Variants in FRMD5 observed in about 807,000 individuals in gnomAD.
FRMD5 encodes FERM domain containing 5.
In FRMD5, 20 loss-of-function variants were observed where a neutral mutation model predicts 69.0. The ratio of observed to expected loss-of-function variants is 0.29; its 90% confidence interval spans 0.20 to 0.42. The LOEUF (loss-of-function observed/expected upper bound fraction) is 0.42. Ranked by LOEUF, FRMD5 falls within the 10% of genes least tolerant of loss-of-function variation. The pLI, the probability that FRMD5 is intolerant of heterozygous loss-of-function variation, is 1.00. For synonymous variants in FRMD5, 271 were observed against 260.1 expected (o/e 1.04, Z -0.40); for missense variants, 595 against 708.6 (o/e 0.84, Z 1.82).
intron 1 of FRMD5, among the ~76,000 whole-genome samples, chr15:43,927,651 G>A (rs1479918886): frequency 1.3e-5 from 2 of 151,916 alleles, no homozygotes; most frequent in African/African-American, 4.8e-5. Flanking sequence ...AACAGTGAGA[G>A]ACAGTAGCAT....
chr15:44,119,729 C>CT (rs3040926), intron 1 of FRMD5, among the ~76,000 whole-genome samples: 26 of 146,084 alleles, frequency 1.8e-4, no homozygotes, highest in South Asian at 6.5e-4. Context: ...CTGTCTACTT[C>CT]TTTTTTTTTT....
chr15:44,105,755 C>T (rs1165494094), intron 1 of FRMD5, among the ~76,000 whole-genome samples: 1 of 152,038 alleles, frequency 6.6e-6, no homozygotes, highest in African/African-American at 2.4e-5. Context: ...CTATTTTTTA[C>T]CTTCATTAGC....
rs569922196 is a variant in FRMD5, at chr15:43,873,118, A to T, written c.*767T>A. Reference sequence around the variant, plus strand: ...AAATCACGTTAAGTCTAGTTTCATTATACAAAACTATGGTGATGCCCACTA... The same window carrying T: ...AAATCACGTTAAGTCTAGTTTCATTTTACAAAACTATGGTGATGCCCACTA... On this transcript the variant is annotated 3_prime_UTR_variant, in exon 14 of 14. Transcript: ENST00000417257. 857 of 1,457,386 alleles carry T rather than the reference A, an allele frequency of 5.9e-4. 4 individuals are homozygous for T. In the African/African-American group the frequency reaches 0.011, roughly 18 times the overall value. The allele number at this position is 1,457,386 out of a possible 1,614,324, so 90.3% of individuals were successfully genotyped here.
At chr15:44,174,279 T>TA (rs963435578) in intron 1 of FRMD5, among the ~76,000 whole-genome samples, 29 of 149,082 alleles carry the variant, frequency 1.9e-4, no homozygotes, top group Middle Eastern at 3.4e-3. Flanking sequence ...TTTTTCTTAT[T>TA]AAAAAAAAAA....
At chr15:43,998,444 GT>G (rs1890038172) in intron 1 of FRMD5, among the ~76,000 whole-genome samples, 1 of 152,136 alleles carries the variant, frequency 6.6e-6, no homozygotes, top group Non-Finnish European at 1.5e-5. Flanking sequence ...CCTATTAAAG[GT>G]AAGAGGCAAC....
At chr15:43,961,899 G>T (rs2090208029) in intron 1 of FRMD5, among the ~76,000 whole-genome samples, 1 of 152,088 alleles carries the variant, frequency 6.6e-6, no homozygotes, top group Non-Finnish European at 1.5e-5. Flanking sequence ...TTGATGGGAT[G>T]TATCTCAAAA....
chr15:43,892,218 T>C, intron 7 of FRMD5, 149 bp from the exon 8 acceptor site: 1 of 724,382 alleles, frequency 1.4e-6, no homozygotes, highest in Non-Finnish European at 2.4e-6. Context: ...AGACCATAGT[T>C]TGAGTCTCAG....
chr15:43,957,121 T>A (rs1461002181), intron 1 of FRMD5, among the ~76,000 whole-genome samples: 2 of 152,210 alleles, frequency 1.3e-5, no homozygotes, highest in African/African-American at 4.8e-5. Flanking sequence ...AAATTATTCT[T>A]AACCTTGTTT....
intron 1 of FRMD5, among the ~76,000 whole-genome samples, chr15:43,944,607 C>T (rs916588472): frequency 1.7e-4 from 26 of 150,470 alleles, no homozygotes; most frequent in African/African-American, 1.5e-4. Context: ...TTTTTTTTTT[C>T]GAGATGGAGT....
intron 1 of FRMD5, among the ~76,000 whole-genome samples, chr15:44,042,628 G>A (rs554557643): frequency 4.9e-4 from 74 of 152,224 alleles, no homozygotes; most frequent in Middle Eastern, 6.8e-3. Context: ...TTCAACATAC[G>A]CAAATCAATA....
At chr15:43,961,198 G>A (rs1433964013) in intron 1 of FRMD5, among the ~76,000 whole-genome samples, 3 of 152,044 alleles carry the variant, frequency 2.0e-5, no homozygotes, top group African/African-American at 7.2e-5. Flanking sequence ...TCAAATAGAT[G>A]CAATAAAAAA....
intron 1 of FRMD5, among the ~76,000 whole-genome samples, chr15:44,155,723 A>C (rs1182830632): frequency 6.6e-6 from 1 of 151,616 alleles, no homozygotes; most frequent in Non-Finnish European, 1.5e-5. Flanking sequence ...CCTCCCGAGT[A>C]GCTGGGAATA....
intron 1 of FRMD5, among the ~76,000 whole-genome samples, chr15:44,003,018 C>CTCTTG (rs1484547381): frequency 1.3e-5 from 2 of 152,172 alleles, no homozygotes; most frequent in Non-Finnish European, 2.9e-5. Flanking sequence ...GAAGACTGAA[C>CTCTTG]TCTTGATCTT....
rs368956153 is a variant in FRMD5, at chr15:43,962,353, G to A, written c.103-38044C>T. ...CCTAGGAATCCAACTTACAAGGGAC[G>A]TGAAGGACCTCTTCAAGGAGAACTA... On this transcript the variant is annotated intron_variant, in intron 1 of 13. Coordinates refer to ENST00000417257, the MANE Select transcript of FRMD5 (RefSeq NM_032892.5). Among the ~76,000 whole-genome samples, 2 of 152,186 alleles carry A rather than the reference G, an allele frequency of 1.3e-5. 1 individual carries two copies. The highest frequency in any genetic ancestry group is 4.1e-4 in the South Asian group (2 of 4,832).
chr15:44,085,951 A>G (rs1894181088), intron 1 of FRMD5, among the ~76,000 whole-genome samples: 1 of 152,092 alleles, frequency 6.6e-6, no homozygotes, highest in African/African-American at 2.4e-5. Flanking sequence ...GGTTAGGTAA[A>G]ATATACTAAG....
chr15:43,932,142 A>C (rs1004260727), intron 1 of FRMD5, among the ~76,000 whole-genome samples: 4 of 152,218 alleles, frequency 2.6e-5, no homozygotes, highest in Non-Finnish European at 5.9e-5. Flanking sequence ...TTTCGTGCCA[A>C]CTTCCTCAGC....
chr15:44,140,006 A>G (rs998692773), intron 1 of FRMD5, among the ~76,000 whole-genome samples: 2 of 143,612 alleles, frequency 1.4e-5, no homozygotes, highest in African/African-American at 2.9e-5. Flanking sequence ...ATACATATAC[A>G]TATATACACA....
chr15:43,926,425 A>G (rs560507165), intron 1 of FRMD5, among the ~76,000 whole-genome samples: 1 of 152,326 alleles, frequency 6.6e-6, no homozygotes, highest in South Asian at 2.1e-4. Context: ...AGGTTGTAAG[A>G]TAAGATCCAA....
chr15:44,170,347 A>G (rs1287245678), intron 1 of FRMD5, among the ~76,000 whole-genome samples: 3 of 152,118 alleles, frequency 2.0e-5, no homozygotes, highest in African/African-American at 7.2e-5. Flanking sequence ...ATATGGTGAA[A>G]CCACGTCTCT....
Sources: allele counts gnomAD v4.1 joint callset (sites outside exome capture counted in the v4.1 genomes callset), GRCh38; gene constraint gnomAD v4.1.1; transcripts MANE v1.5; gene names NCBI Gene and HGNC (gene_info 2026-07-23, HGNC 2026-07-21).